Variants in KCNH8 observed in about 807,000 individuals in gnomAD.
KCNH8 encodes potassium voltage-gated channel subfamily H member 8.
Under a neutral mutation model 103.6 loss-of-function variants are expected in KCNH8, and 70 were observed. The observed-to-expected ratio is 0.68, with a 90% CI of 0.56 to 0.82. KCNH8 has a LOEUF of 0.82. Ranked by LOEUF, KCNH8 falls within the 40% of genes least tolerant of loss-of-function variation. KCNH8 has a pLI of 0.00. For missense variants in KCNH8, 1,217 were observed against 1,329.9 expected (o/e 0.92, Z 1.32); for synonymous variants, 498 against 489.4 (o/e 1.02, Z -0.23).
At chr3:19,173,311 T>G (rs924893273) in intron 1 of KCNH8, among the ~76,000 whole-genome samples, 2 of 151,996 alleles carry the variant, frequency 1.3e-5, no homozygotes, top group Admixed American at 1.3e-4. Flanking sequence ...CCTTGGGCAA[T>G]GGTGGTGGTG....
intron 6 of KCNH8, among the ~76,000 whole-genome samples, chr3:19,391,042 T>G (rs1402662227): frequency 6.6e-6 from 1 of 152,046 alleles, no homozygotes; most frequent in Non-Finnish European, 1.5e-5. Flanking sequence ...TAACTCTCTA[T>G]TTCTTTAGTA....
chr3:19,375,980 G>T (rs1224684368), intron 5 of KCNH8, among the ~76,000 whole-genome samples: 11 of 152,114 alleles, frequency 7.2e-5, no homozygotes, highest in African/African-American at 2.7e-4. Context: ...CTGTGTGCTG[G>T]GAGAACCACT....
At chr3:19,301,081 G>A (rs959567301) in intron 3 of KCNH8, among the ~76,000 whole-genome samples, 1 of 151,200 alleles carries the variant, frequency 6.6e-6, no homozygotes, top group African/African-American at 2.4e-5. Context: ...ATTATTATCA[G>A]TGTTTTCCAG....
intron 1 of KCNH8, among the ~76,000 whole-genome samples, chr3:19,173,121 G>C (rs935032449): frequency 1.3e-5 from 2 of 152,088 alleles, no homozygotes. Flanking sequence ...CCCAGGCTCT[G>C]TCCAAAAACT....
At chr3:19,445,744 G>A (rs187807629) in intron 8 of KCNH8, among the ~76,000 whole-genome samples, 3 of 151,834 alleles carry the variant, frequency 2.0e-5, no homozygotes, top group Admixed American at 6.6e-5. Context: ...TGAAGGGATG[G>A]GTTTGGGGCT....
intron 3 of KCNH8, among the ~76,000 whole-genome samples, chr3:19,291,188 A>AAACCAGCTC (rs1179510450): frequency 6.6e-6 from 1 of 152,104 alleles, no homozygotes; most frequent in Non-Finnish European, 1.5e-5. Context: ...TCTTTTCAAA[A>AAACCAGCTC]AACCAGCTCC....
chr3:19,322,554 G>A (rs1047363789), intron 3 of KCNH8, among the ~76,000 whole-genome samples: 45 of 152,258 alleles, frequency 3.0e-4, no homozygotes, highest in African/African-American at 9.6e-4. Context: ...TTTCTGTTGA[G>A]AGATTTGCTG....
chr3:19,297,398 T>A (rs1394165230), intron 3 of KCNH8, among the ~76,000 whole-genome samples: 1 of 152,204 alleles, frequency 6.6e-6, no homozygotes, highest in African/African-American at 2.4e-5. Context: ...GATACATTGA[T>A]GAAAATATAA....
intron 1 of KCNH8, among the ~76,000 whole-genome samples, chr3:19,195,396 G>A (rs187027746): frequency 7.2e-5 from 11 of 151,874 alleles, no homozygotes; most frequent in Non-Finnish European, 1.2e-4. Context: ...TCATTTTCTC[G>A]ATTCCCATAC....
chr3:19,365,957 C>G (rs995363879), intron 5 of KCNH8, among the ~76,000 whole-genome samples: 1 of 152,024 alleles, frequency 6.6e-6, no homozygotes, highest in Non-Finnish European at 1.5e-5. Context: ...ATGCTTTACT[C>G]CCACATTTGG....
intron 1 of KCNH8, among the ~76,000 whole-genome samples, chr3:19,184,007 T>G (rs1026679688): frequency 6.6e-6 from 1 of 152,156 alleles, no homozygotes; most frequent in Non-Finnish European, 1.5e-5. Context: ...ACAGCCACTC[T>G]GGGAGAGCAA....
At chr3:19,493,321 A>G (rs555442250) in intron 11 of KCNH8, among the ~76,000 whole-genome samples, 106 of 152,208 alleles carry the variant, frequency 7.0e-4, no homozygotes, top group African/African-American at 2.6e-3. Flanking sequence ...CCCAAATCTC[A>G]TCTTAAATTG....
chr3:19,515,779 T>C (rs1232566028), intron 14 of KCNH8, among the ~76,000 whole-genome samples: 1 of 152,014 alleles, frequency 6.6e-6, no homozygotes, highest in African/African-American at 2.4e-5. Flanking sequence ...GCCATGTTGA[T>C]TGTGCACTGA....
chr3:19,408,488 C>G (rs941223916), intron 7 of KCNH8, among the ~76,000 whole-genome samples: 5 of 152,096 alleles, frequency 3.3e-5, no homozygotes, highest in Non-Finnish European at 5.9e-5. Context: ...AAGGACTGCA[C>G]TAGCTCCCCT....
intron 3 of KCNH8, among the ~76,000 whole-genome samples, chr3:19,299,466 G>GA (rs942744246): frequency 1.5e-4 from 22 of 151,642 alleles, no homozygotes; most frequent in Non-Finnish European, 2.8e-4. Flanking sequence ...CCCCATCTCC[G>GA]AAAAAAAGAA....
intron 7 of KCNH8, among the ~76,000 whole-genome samples, chr3:19,419,721 A>G (rs2066922704): frequency 6.6e-6 from 1 of 151,916 alleles, no homozygotes; most frequent in Non-Finnish European, 1.5e-5. Flanking sequence ...CCCCCATTTT[A>G]AAAAATGGTG....
rs1416479498 is a variant in KCNH8 at position 19,460,813 on chromosome 3, G to A, written c.2040+3831G>A. On this transcript the variant is annotated intron_variant, in intron 11 of 15. Transcript: ENST00000328405. ...TCATGGGGGCAGTTTCGCTCATCCT[G>A]TTCTTGTGATAGTGAGTTAATTCTC... Among the ~76,000 whole-genome samples the A allele has an allele frequency of 2.0e-5, 3 of 152,126 alleles. No individual in the cohort carries two copies. The East Asian group carries it at 5.8e-4, about 29-fold the overall frequency.
chr3:19,381,021 T>C (rs538117026), intron 5 of KCNH8, among the ~76,000 whole-genome samples: 27 of 152,332 alleles, frequency 1.8e-4, no homozygotes, highest in African/African-American at 5.8e-4. Flanking sequence ...TTTTCTTCTA[T>C]TTCACTTTTA....
chr3:19,242,033 A>G (rs991688670), intron 1 of KCNH8, among the ~76,000 whole-genome samples: 2 of 152,204 alleles, frequency 1.3e-5, no homozygotes, highest in Admixed American at 1.3e-4. Flanking sequence ...CTACACGGGC[A>G]AAAGCCTTGA....
Sources: allele counts gnomAD v4.1 joint callset (sites outside exome capture counted in the v4.1 genomes callset), GRCh38; gene constraint gnomAD v4.1.1; transcripts MANE v1.5; gene names NCBI Gene and HGNC (gene_info 2026-07-23, HGNC 2026-07-21).